TENM4: variants seen among roughly 807,000 people sequenced by gnomAD.
TENM4 encodes the protein teneurin-4.
TENM4 carries 82 observed loss-of-function variants against 243.3 expected under a neutral mutation model. That is an observed-to-expected ratio of 0.34 (90% CI 0.28 to 0.40). The LOEUF is 0.40. TENM4 is among the 10% of genes least tolerant of loss of function. The probability of loss-of-function intolerance (pLI) is 1.00; values close to 1 mark genes in which losing one functional copy is unlikely to be tolerated. For synonymous variants in TENM4, 1,412 were observed against 1,456.3 expected (o/e 0.97, Z 0.69); for missense variants, 3,138 against 3,673.3 (o/e 0.85, Z 3.77).
chr11:79,101,119 A>G (rs2137078209), intron 4 of TENM4, among the ~76,000 whole-genome samples: 1 of 152,324 alleles, frequency 6.6e-6, no homozygotes, highest in South Asian at 2.1e-4. Context: ...CCAGGGTTTC[A>G]AAGGTGGCAT....
intron 6 of TENM4, among the ~76,000 whole-genome samples, chr11:78,931,193 G>A (rs1237670276): frequency 6.6e-6 from 1 of 152,210 alleles, no homozygotes; most frequent in Non-Finnish European, 1.5e-5. Context: ...AGGCTGTGGA[G>A]AAGCGCCCTG....
At chr11:79,221,393 C>T (rs1864151351) in intron 2 of TENM4, among the ~76,000 whole-genome samples, 1 of 151,636 alleles carries the variant, frequency 6.6e-6, no homozygotes. Context: ...GGTTATTTCA[C>T]TTTAATTATG....
intron 1 of TENM4, among the ~76,000 whole-genome samples, chr11:79,352,831 T>C (rs1009532174): frequency 1.3e-5 from 2 of 151,946 alleles, no homozygotes; most frequent in African/African-American, 4.8e-5. Flanking sequence ...CAAATTATGG[T>C]TTTTGAGGGC....
At chr11:79,403,817 G>C (rs528302253) in intron 1 of TENM4, among the ~76,000 whole-genome samples, 8 of 152,106 alleles carry the variant, frequency 5.3e-5, no homozygotes, top group Non-Finnish European at 1.2e-4. Flanking sequence ...GGGGTTGAGG[G>C]GGGTGGTGGG....
intron 15 of TENM4, among the ~76,000 whole-genome samples, chr11:78,796,371 C>T (rs998947194): frequency 5.3e-5 from 8 of 152,150 alleles, no homozygotes; most frequent in African/African-American, 7.2e-5. Context: ...TGTGTATTTT[C>T]GGCCAGGACT....
chr11:79,342,778 G>T (rs1427176576), intron 1 of TENM4, among the ~76,000 whole-genome samples: 1 of 152,022 alleles, frequency 6.6e-6, no homozygotes, highest in Non-Finnish European at 1.5e-5. Flanking sequence ...CAGCTCCAGG[G>T]CCAGGAAGCC....
intron 2 of TENM4, among the ~76,000 whole-genome samples, chr11:79,270,849 C>G (rs537428631): frequency 2.6e-5 from 4 of 152,304 alleles, no homozygotes; most frequent in African/African-American, 9.6e-5. Context: ...AGGGAACAGG[C>G]TGAATTCAGT....
intron 4 of TENM4, among the ~76,000 whole-genome samples, chr11:79,108,779 G>A (rs1424137848): frequency 6.6e-6 from 1 of 152,136 alleles, no homozygotes; most frequent in Non-Finnish European, 1.5e-5. Flanking sequence ...AATAGTAGTG[G>A]CCACTGGACC....
intron 1 of TENM4, among the ~76,000 whole-genome samples, chr11:79,392,038 A>C (rs1245182345): frequency 2.0e-5 from 3 of 152,256 alleles, no homozygotes; most frequent in African/African-American, 7.2e-5. Flanking sequence ...TATTACAGAA[A>C]ACATTTACTT....
chr11:79,211,681 T>C (rs1323847174), intron 3 of TENM4, among the ~76,000 whole-genome samples: 1 of 152,248 alleles, frequency 6.6e-6, no homozygotes, highest in Non-Finnish European at 1.5e-5. Context: ...TTATTTATGT[T>C]AAAGTAAGGG....
intron 5 of TENM4, among the ~76,000 whole-genome samples, chr11:79,067,277 G>C (rs1860288224): frequency 6.6e-6 from 1 of 152,070 alleles, no homozygotes; most frequent in African/African-American, 2.4e-5. Context: ...CTCCTTCAAA[G>C]AAAAAGAAAA....
intron 1 of TENM4, among the ~76,000 whole-genome samples, chr11:79,314,150 G>GA (rs1230383300): frequency 6.6e-6 from 1 of 152,158 alleles, no homozygotes; most frequent in Non-Finnish European, 1.5e-5. Flanking sequence ...GGCCTTGCAA[G>GA]AGCTACTTAG....
chr11:78,748,316 A>G (rs1164743062), intron 19 of TENM4, among the ~76,000 whole-genome samples: 2 of 152,192 alleles, frequency 1.3e-5, no homozygotes, highest in Non-Finnish European at 2.9e-5. Flanking sequence ...CATAGTGTAG[A>G]GGAGGGAAGT....
chr11:79,028,579 T>C (rs1403616708), intron 6 of TENM4, among the ~76,000 whole-genome samples: 1 of 152,210 alleles, frequency 6.6e-6, no homozygotes, highest in Non-Finnish European at 1.5e-5. Flanking sequence ...ACCTTTCACA[T>C]GGAGGACTCA....
intron 1 of TENM4, among the ~76,000 whole-genome samples, chr11:79,409,129 C>T (rs1283916163): frequency 4.7e-5 from 7 of 148,652 alleles, no homozygotes; most frequent in Admixed American, 2.0e-4. Context: ...TGCACGCGCA[C>T]GCACATGCGT....
intron 28 of TENM4, among the ~76,000 whole-genome samples, chr11:78,700,581 G>C (rs143146597): frequency 6.6e-6 from 1 of 152,150 alleles, no homozygotes; most frequent in Non-Finnish European, 1.5e-5. Flanking sequence ...TAGAAAGAGC[G>C]ATGTTAGTCC....
intron 31 of TENM4, 58 bp downstream of exon 31, chr11:78,671,975 C>T (rs779259802): frequency 2.1e-5 from 32 of 1,551,718 alleles, no homozygotes; most frequent in Non-Finnish European, 2.5e-5. Flanking sequence ...TGGGCTTGGC[C>T]GTGAATGATT....
At chr11:78,866,484 T>C (rs947097876) in intron 9 of TENM4, among the ~76,000 whole-genome samples, 12 of 142,958 alleles carry the variant, frequency 8.4e-5, no homozygotes, top group African/African-American at 2.8e-4. Flanking sequence ...AAAAGATACG[T>C]TGTGGGTAGG....
rs553185606 is a variant in TENM4, at chr11:79,436,359, A to G, written c.-321+4150T>C. Among the ~76,000 whole-genome samples the G allele has an allele frequency of 2.6e-5, 4 of 152,300 alleles. No individual in the cohort carries two copies. In the South Asian group the frequency reaches 8.3e-4, roughly 32 times the overall value. On this transcript the variant is annotated intron_variant, in intron 1 of 33. Coordinates refer to ENST00000278550, the MANE Select transcript of TENM4 (RefSeq NM_001098816.3). Reference sequence around the variant, plus strand: ...TTTATAGACTGGATCATAAAAAAAAACCCTGACAGTGTTGCAAACTAAGTA... The same window carrying G: ...TTTATAGACTGGATCATAAAAAAAAGCCCTGACAGTGTTGCAAACTAAGTA...
Sources: gnomAD v4.1 joint callset for allele counts (sites outside exome capture counted in the v4.1 genomes callset) on GRCh38, gnomAD v4.1.1 for gene constraint, MANE v1.5 for transcripts, NCBI Gene and HGNC (gene_info 2026-07-23, HGNC 2026-07-21) for gene names.